The following ABLIM2 variants were observed in gnomAD, a reference collection of about 807,000 sequenced individuals.
The protein encoded by ABLIM2 is actin binding LIM protein family member 2.
A neutral mutation model predicts 97.7 loss-of-function variants in ABLIM2; 53 were observed. The observed-to-expected ratio is 0.54, with a 90% CI of 0.44 to 0.68. The LOEUF (loss-of-function observed/expected upper bound fraction) is 0.68, where lower values mean the gene tolerates loss of function less well. Ranked by LOEUF, ABLIM2 falls within the 30% of genes least tolerant of loss-of-function variation. The pLI is 0.00. For synonymous variants in ABLIM2, 361 were observed against 345.8 expected (o/e 1.04, Z -0.49); for missense variants, 835 against 867.2 (o/e 0.96, Z 0.47).
chr4:8,037,198 A>G (rs1178349187), intron 9 of ABLIM2, among the ~76,000 whole-genome samples: 1 of 152,128 alleles, frequency 6.6e-6, no homozygotes, highest in Admixed American at 6.5e-5. Flanking sequence ...AATATTTTCA[A>G]TCTGAGGTTG....
intron 20 of ABLIM2, 63 bp downstream of exon 20, chr4:7,983,201 G>A: frequency 2.0e-6 from 3 of 1,518,606 alleles, no homozygotes; most frequent in South Asian, 2.4e-5. Context: ...CACCACGGAG[G>A]AGGCATCTGC....
At chr4:8,090,920 C>T (rs889808025) in intron 3 of ABLIM2, among the ~76,000 whole-genome samples, 1 of 152,018 alleles carries the variant, frequency 6.6e-6, no homozygotes, top group African/African-American at 2.4e-5. Flanking sequence ...GGGACTGTTA[C>T]AAATAAAGCT....
chr4:7,980,055 C>T (rs1433088995), intron 20 of ABLIM2, among the ~76,000 whole-genome samples: 1 of 152,198 alleles, frequency 6.6e-6, no homozygotes, highest in Non-Finnish European at 1.5e-5. Context: ...GATTAAGCCA[C>T]ACCTGAAGGA....
chr4:7,979,277 G>A (rs2149567686), intron 20 of ABLIM2, among the ~76,000 whole-genome samples: 1 of 152,352 alleles, frequency 6.6e-6, no homozygotes, highest in African/African-American at 2.4e-5. Flanking sequence ...ACACATCTGG[G>A]TGCTCGGCAC....
intron 11 of ABLIM2, among the ~76,000 whole-genome samples, chr4:8,029,047 C>T (rs1465753002): frequency 6.6e-6 from 1 of 151,988 alleles, no homozygotes; most frequent in African/African-American, 2.4e-5. Flanking sequence ...AGTTTCACAG[C>T]TACAGGGATT....
In ABLIM2 at chr4:8,122,427, C is replaced by T. The variant is rs558963638; in HGVS notation, c.11-15790G>A. Among the ~76,000 whole-genome samples, 5 of 152,326 alleles carry T rather than the reference C, an allele frequency of 3.3e-5. No individual in the cohort carries two copies. Among genetic ancestry groups the T allele is most frequent in the African/African-American group, 1.2e-4 (5 of 41,574 alleles). ...TCCCACAGTTCTGGAGCCTAAGAGT[C>T]TGATATTAGGGCAGCAGCATGCTCG... is the stretch of plus-strand genomic sequence containing the variant. On this transcript the variant is annotated intron_variant, in intron 1 of 20. Coordinates refer to ENST00000447017, the MANE Select transcript of ABLIM2 (RefSeq NM_001130083.2). This position sits in a 1 kb window ranked among gnomAD's most constrained non-coding sequence, Gnocchi z 4.1.
intron 6 of ABLIM2, among the ~76,000 whole-genome samples, chr4:8,076,046 AG>A (rs1239556987): frequency 1.4e-4 from 22 of 152,230 alleles, no homozygotes; most frequent in African/African-American, 4.8e-4. Context: ...ATGAGAATGG[AG>A]GACATCCCTC....
chr4:8,082,709 C>T lies in ABLIM2; in HGVS notation c.455-1907G>A, dbSNP rs1820711384. ...TACTCATTTCAGGACCCTGGATGCC[C>T]AGCAGAGGCTGTGGGCTTGAGAAAC... On this transcript the variant is annotated intron_variant, in intron 4 of 20. Coordinates refer to ENST00000447017, the MANE Select transcript of ABLIM2 (RefSeq NM_001130083.2). This position sits in a 1 kb window ranked among gnomAD's most constrained non-coding sequence, Gnocchi z 5.6. Among the ~76,000 whole-genome samples, 1 of 152,172 alleles carries T rather than the reference C, an allele frequency of 6.6e-6. No homozygotes were observed. Among genetic ancestry groups the T allele is most frequent in the African/African-American group, 2.4e-5 (1 of 41,442 alleles).
Position 8,068,033 on chromosome 4 carries a change from T to A in ABLIM2, c.676-6979A>T, listed in dbSNP as rs73074090. Reference sequence around the variant, plus strand: ...AGTCAAAAATTAGAAGTGTCCTCATTCCCTGTGTCACCTCCTGTTGTCATT... The same window carrying A: ...AGTCAAAAATTAGAAGTGTCCTCATACCCTGTGTCACCTCCTGTTGTCATT... On this transcript the variant is annotated intron_variant, in intron 6 of 20. Coordinates refer to ENST00000447017, the MANE Select transcript of ABLIM2 (RefSeq NM_001130083.2). This position sits in a 1 kb window ranked among gnomAD's most constrained non-coding sequence, Gnocchi z 4.5. 9.1e-3 allele frequency among the ~76,000 whole-genome samples: 1,392 copies of A among 152,162 alleles called. 12 individuals carry two copies. The highest frequency in any genetic ancestry group is 0.051 in the Middle Eastern group (15 of 294).
rs1561112157 is a variant in ABLIM2 at position 8,066,422 on chromosome 4, GAA to G, written c.676-5370_676-5369del. ...GGAAGGAAGGAAGGAAGGAAGGAAG[GAA>G]GGAAGGGAGGGGTGGTTCCACATAA... On this transcript the variant is annotated intron_variant, in intron 6 of 20. Coordinates refer to ENST00000447017, the MANE Select transcript of ABLIM2 (RefSeq NM_001130083.2). 4.7e-4 allele frequency: 66 copies of G among 139,698 alleles called. 1 individual carries two copies. The highest frequency in any genetic ancestry group is 1.4e-3 in the African/African-American group (56 of 38,912). The allele number at this position is 139,698 out of a possible 1,614,324, so 8.7% of individuals were successfully genotyped here.
At chr4:8,055,974 AT>A (rs930509132) in intron 7 of ABLIM2, among the ~76,000 whole-genome samples, 2 of 151,708 alleles carry the variant, frequency 1.3e-5, no homozygotes, top group African/African-American at 4.8e-5. Context: ...TTAGCCAGGC[AT>A]TGTGGTGGCT....
chr4:8,020,413 G>T (rs1260652266), intron 12 of ABLIM2, 110 bp from the exon 13 acceptor site: 3 of 978,824 alleles, frequency 3.1e-6, no homozygotes, highest in Non-Finnish European at 4.7e-6. Context: ...CTCCTGTCTG[G>T]TGGAGCAGCC....
intron 12 of ABLIM2, among the ~76,000 whole-genome samples, 178 bp downstream of exon 12, chr4:8,027,581 C>T (rs899698673): frequency 6.6e-6 from 1 of 152,180 alleles, no homozygotes; most frequent in African/African-American, 2.4e-5. Context: ...AGTTTTCCTT[C>T]CAGGAACATT....
At chr4:8,136,499 C>T (rs1344198453) in intron 1 of ABLIM2, among the ~76,000 whole-genome samples, 1 of 152,242 alleles carries the variant, frequency 6.6e-6, no homozygotes, top group Non-Finnish European at 1.5e-5. Context: ...GTACCCAGGG[C>T]AGCAAAAATC....
intron 8 of ABLIM2, among the ~76,000 whole-genome samples, chr4:8,050,223 C>T (rs1249144414): frequency 6.6e-6 from 1 of 152,184 alleles, no homozygotes; most frequent in African/African-American, 2.4e-5. Flanking sequence ...GTGTCATGGT[C>T]ACTCATATTT....
rs913209842 is a variant in ABLIM2 at position 8,032,798 on chromosome 4, C to A, written c.1048-3022G>T. 4.1e-5 allele frequency: 43 copies of A among 1,048,178 alleles called. No individual in the cohort carries two copies. The African/African-American group carries it at 6.6e-4, about 16-fold the overall frequency. The allele number at this position is 1,048,178 out of a possible 1,614,324, so 64.9% of individuals were successfully genotyped here. On this transcript the variant is annotated intron_variant, in intron 10 of 20. Coordinates refer to ENST00000447017, the MANE Select transcript of ABLIM2 (RefSeq NM_001130083.2). The surrounding 1 kb of genome is among the most constrained non-coding windows in gnomAD (Gnocchi z 4.3). Reference sequence around the variant, plus strand: ...AACACCCACACAGAGCCCTGATCCTCCAGACAGGAAAAGAACTCTACCCCG... The same window carrying A: ...AACACCCACACAGAGCCCTGATCCTACAGACAGGAAAAGAACTCTACCCCG...
Position 8,015,417 on chromosome 4 carries a change from C to T in ABLIM2, c.1423+4201G>A, listed in dbSNP as rs899579736. 6.6e-6 allele frequency among the ~76,000 whole-genome samples: 1 copy of T among 152,096 alleles called. No homozygotes were observed. Among genetic ancestry groups the T allele is most frequent in the Non-Finnish European group, 1.5e-5 (1 of 68,002 alleles). ...CTCAGTGGGGGCTTCCCAGTGCAAT[C>T]CGCACTCTGGACACAGCCTGCCGTT... On this transcript the variant is annotated intron_variant, in intron 14 of 20. Coordinates refer to ENST00000447017, the MANE Select transcript of ABLIM2 (RefSeq NM_001130083.2). This position sits in a 1 kb window ranked among gnomAD's most constrained non-coding sequence, Gnocchi z 4.6.
At chr4:8,091,274 T>C (rs11728138) in intron 3 of ABLIM2, among the ~76,000 whole-genome samples, 25,691 of 77,494 alleles carry the variant, frequency 0.33, 5,938 homozygotes, top group Non-Finnish European at 0.42. Context: ...TGTGTGTATA[T>C]ATATAATTAT....
rs1295811315 is a variant in ABLIM2 at position 7,983,289 on chromosome 4, T to C, written c.1799A>G (p.Lys600Arg). Reference protein sequence around the residue: ...VTNRIRVKLPKDVDRTRLERH... With the variant: ...VTNRIRVKLPRDVDRTRLERH... ...CTCCAGTCTCGTCCGGTCCACGTCT[T>C]TGGGCAGTTTCACGCGAATTCGGTT... is the stretch of plus-strand genomic sequence containing the variant. Residue 600 changes from lysine (K) to arginine (R), a missense_variant, in exon 20 of 21, where the codon AAA becomes AGA. Lys to Arg is a conservative substitution (Grantham distance 26). Coordinates refer to ENST00000447017, the MANE Select transcript of ABLIM2 (RefSeq NM_001130083.2). 1 of 1,612,048 alleles carries C rather than the reference T, an allele frequency of 6.2e-7. No individual in the cohort carries two copies. Among genetic ancestry groups the C allele is most frequent in the African/African-American group, 1.3e-5 (1 of 74,906 alleles).
Sources: allele counts gnomAD v4.1 joint callset (sites outside exome capture counted in the v4.1 genomes callset), GRCh38; gene constraint gnomAD v4.1.1; non-coding constraint Gnocchi (gnomAD v3.1); transcripts MANE v1.5; gene names NCBI Gene and HGNC (gene_info 2026-07-23, HGNC 2026-07-21).